Variants in PLCXD3 observed in about 807,000 individuals in gnomAD.
PLCXD3 encodes the protein phosphatidylinositol specific phospholipase C X domain containing 3.
Under a neutral mutation model 25.5 loss-of-function variants are expected in PLCXD3, and 19 were observed. The observed-to-expected ratio is 0.75, with a 90% CI of 0.52 to 1.09. PLCXD3 has a LOEUF of 1.09. Among genes scored for constraint, PLCXD3 ranks in the 50% least tolerant of loss-of-function variants. PLCXD3 has a pLI of 0.00. For missense variants in PLCXD3, 411 were observed against 388.1 expected, an observed-to-expected ratio of 1.06 and a Z score of -0.50; for synonymous variants, 174 against 137.6, an observed-to-expected ratio of 1.26 and a Z score of -1.85.
intron 2 of PLCXD3, among the ~76,000 whole-genome samples, chr5:41,359,773 C>T (rs1477354055): frequency 6.6e-6 from 1 of 152,002 alleles, no homozygotes; most frequent in Non-Finnish European, 1.5e-5. Context: ...TCTTGTTTCT[C>T]CAGTTCAATG....
rs145485803 is a variant in PLCXD3, at chr5:41,420,792, C to T, written c.104-38258G>A. Among the ~76,000 whole-genome samples, 13 of 152,324 alleles carry T rather than the reference C, an allele frequency of 8.5e-5. No individual in the cohort carries two copies. The East Asian group carries it at 2.5e-3, about 29-fold the overall frequency. ...TCAGCATTTTTAGTCTTTCCTCCAACCCTAACTTTGTCACATCACCTTTGC... is the reference window on the plus strand; with the variant it reads ...TCAGCATTTTTAGTCTTTCCTCCAATCCTAACTTTGTCACATCACCTTTGC... On this transcript the variant is annotated intron_variant, in intron 1 of 2. Transcript: ENST00000377801.
At chr5:41,379,899 TAGAG>T (rs1436869761) in intron 2 of PLCXD3, among the ~76,000 whole-genome samples, 5 of 152,026 alleles carry the variant, frequency 3.3e-5, no homozygotes, top group African/African-American at 4.8e-5. Flanking sequence ...GCAGAAATCA[TAGAG>T]AAAGTCATGC....
At chr5:41,414,724 A>T (rs1195657055) in intron 1 of PLCXD3, among the ~76,000 whole-genome samples, 1 of 152,198 alleles carries the variant, frequency 6.6e-6, no homozygotes, top group Admixed American at 6.5e-5. Flanking sequence ...TATAAGTTTT[A>T]AATTGTGCAC....
intron 2 of PLCXD3, among the ~76,000 whole-genome samples, chr5:41,356,046 C>T (rs1489575350): frequency 6.6e-6 from 1 of 151,928 alleles, no homozygotes; most frequent in Non-Finnish European, 1.5e-5. Context: ...GTGTGGATCG[C>T]CTGAGGTCAG....
chr5:41,481,102 T>TAAAAAAAAAAAAAAAAAAAAAAA (rs554092157), intron 1 of PLCXD3, among the ~76,000 whole-genome samples: 1 of 72,908 alleles, frequency 1.4e-5, no homozygotes, highest in Non-Finnish European at 2.6e-5. Flanking sequence ...ACCTAATTTG[T>TAAAAAAAAAAAAAAAAAAAAAAA]AAAAAAAAAA....
chr5:41,376,791 A>G (rs1045708595), intron 2 of PLCXD3, among the ~76,000 whole-genome samples: 4 of 152,102 alleles, frequency 2.6e-5, no homozygotes, highest in African/African-American at 9.7e-5. Flanking sequence ...TTGATGCTTG[A>G]TGGGAACAAT....
chr5:41,340,389 A>G (rs1744106146), intron 2 of PLCXD3, among the ~76,000 whole-genome samples: 1 of 152,210 alleles, frequency 6.6e-6, no homozygotes, highest in South Asian at 2.1e-4. Context: ...TAAAAGTTGT[A>G]AAAATAAATG....
intron 1 of PLCXD3, among the ~76,000 whole-genome samples, chr5:41,484,375 G>A (rs1327543338): frequency 6.6e-6 from 1 of 152,010 alleles, no homozygotes. Flanking sequence ...CACACCTTTA[G>A]TTTTGAGCAA....
At chr5:41,371,987 T>C (rs564793906) in intron 2 of PLCXD3, among the ~76,000 whole-genome samples, 2 of 152,160 alleles carry the variant, frequency 1.3e-5, no homozygotes, top group Non-Finnish European at 2.9e-5. Context: ...TTTCCCTCAG[T>C]TGCTGACTAA....
intron 1 of PLCXD3, among the ~76,000 whole-genome samples, chr5:41,403,398 G>GTTTTTTTTTTGTTTTGTTTTGTTT (rs764950342): frequency 8.8e-5 from 3 of 33,990 alleles, no homozygotes; most frequent in Non-Finnish European, 6.5e-5. Context: ...TGACTTATTT[G>GTTTTTTTTTTGTTTTGTTTTGTTT]TTGTTTTTTT....
chr5:41,327,014 A>G (rs999756765), intron 2 of PLCXD3, among the ~76,000 whole-genome samples: 4 of 152,194 alleles, frequency 2.6e-5, no homozygotes, highest in African/African-American at 9.7e-5. Context: ...ACAGTAGATA[A>G]AATCATTCAT....
chr5:41,462,123 G>C (rs544584813), intron 1 of PLCXD3, among the ~76,000 whole-genome samples: 2 of 152,098 alleles, frequency 1.3e-5, no homozygotes, highest in East Asian at 3.9e-4. Flanking sequence ...TACAAGAGTT[G>C]CCATATTCAG....
chr5:41,492,994 A>G (rs1440374740), intron 1 of PLCXD3, among the ~76,000 whole-genome samples: 2 of 152,150 alleles, frequency 1.3e-5, no homozygotes, highest in African/African-American at 4.8e-5. Context: ...CCTTTGGAGG[A>G]GGAGAGGCGC....
chr5:41,369,034 C>T (rs1745017080), intron 2 of PLCXD3, among the ~76,000 whole-genome samples: 2 of 152,096 alleles, frequency 1.3e-5, no homozygotes, highest in East Asian at 1.9e-4. Context: ...GGTCTGTGGA[C>T]ACATGAGTGA....
chr5:41,439,389 A>C (rs1221528425), intron 1 of PLCXD3, among the ~76,000 whole-genome samples: 1 of 152,202 alleles, frequency 6.6e-6, no homozygotes, highest in Non-Finnish European at 1.5e-5. Flanking sequence ...TGCATCCAGA[A>C]GTAGCCATTT....
intron 2 of PLCXD3, among the ~76,000 whole-genome samples, chr5:41,336,149 T>A (rs1259532686): frequency 1.3e-5 from 2 of 152,136 alleles, no homozygotes; most frequent in African/African-American, 4.8e-5. Context: ...CCAATTCTCA[T>A]CTTCCTCGTT....
At chr5:41,502,925 T>G (rs190049987) in intron 1 of PLCXD3, among the ~76,000 whole-genome samples, 2 of 152,320 alleles carry the variant, frequency 1.3e-5, no homozygotes, top group East Asian at 3.9e-4. Flanking sequence ...CTTCACATTC[T>G]GCAGCCTTCT....
At chr5:41,406,258 T>C (rs10071445) in intron 1 of PLCXD3, among the ~76,000 whole-genome samples, 85,980 of 151,730 alleles carry the variant, frequency 0.57, 24,924 homozygotes, top group South Asian at 0.71. Context: ...TTCATACTTT[T>C]TCCTTGGGTG....
At chr5:41,405,886 G>T (rs1746336960) in intron 1 of PLCXD3, among the ~76,000 whole-genome samples, 1 of 151,840 alleles carries the variant, frequency 6.6e-6, no homozygotes. Flanking sequence ...CTGTAATAAG[G>T]TTATCACTGT....
Sources: allele counts gnomAD v4.1 joint callset (sites outside exome capture counted in the v4.1 genomes callset), GRCh38; gene constraint gnomAD v4.1.1; transcripts MANE v1.5; gene names NCBI Gene and HGNC (gene_info 2026-07-23, HGNC 2026-07-21).